The following ADAMTSL1 variants were observed in gnomAD, a reference collection of about 807,000 sequenced individuals.
ADAMTSL1 encodes the protein ADAMTS-like protein 1.
A neutral mutation model predicts 201.8 loss-of-function variants in ADAMTSL1; 126 were observed. The ratio of observed to expected loss-of-function variants is 0.62; its 90% CI spans 0.54 to 0.72. The LOEUF is 0.72. Among genes scored for constraint, ADAMTSL1 ranks in the 30% least tolerant of loss-of-function variants. The pLI is 0.00. For synonymous variants in ADAMTSL1, 1,121 were observed against 903.4 expected, an observed-to-expected ratio of 1.24 and a Z score of -4.32; for missense variants, 2,679 against 2,277.8, an observed-to-expected ratio of 1.18 and a Z score of -3.59.
chr9:18,865,575 T>C (rs1190591353), intron 23 of ADAMTSL1, among the ~76,000 whole-genome samples: 3 of 152,208 alleles, frequency 2.0e-5, no homozygotes, highest in African/African-American at 7.2e-5. Context: ...ATCTGTCCCA[T>C]TCTAAACTTT....
intron 16 of ADAMTSL1, among the ~76,000 whole-genome samples, chr9:18,757,434 G>C (rs1241570019): frequency 1.3e-5 from 2 of 152,060 alleles, no homozygotes; most frequent in Non-Finnish European, 2.9e-5. Context: ...CCACAATTTA[G>C]TCTGAAACAC....
chr9:18,278,944 C>G (rs1389609648), intron 2 of ADAMTSL1, among the ~76,000 whole-genome samples: 1 of 151,634 alleles, frequency 6.6e-6, no homozygotes, highest in Non-Finnish European at 1.5e-5. Flanking sequence ...TTCATCAAGT[C>G]TGCTGTTAAA....
chr9:18,665,112 C>T (rs1829352292), intron 9 of ADAMTSL1, among the ~76,000 whole-genome samples: 1 of 151,936 alleles, frequency 6.6e-6, no homozygotes, highest in Non-Finnish European at 1.5e-5. Context: ...CCTAAGATTG[C>T]AAGGTAAGCT....
intron 1 of ADAMTSL1, among the ~76,000 whole-genome samples, chr9:18,147,833 T>G (rs1176953851): frequency 6.6e-6 from 1 of 152,164 alleles, no homozygotes; most frequent in Non-Finnish European, 1.5e-5. Context: ...CACATCATTA[T>G]ATTTTGCAAG....
At chr9:18,757,414 G>C (rs908309997) in intron 16 of ADAMTSL1, among the ~76,000 whole-genome samples, 1 of 152,212 alleles carries the variant, frequency 6.6e-6, no homozygotes. Flanking sequence ...GAGAATCACT[G>C]TTACCTATAC....
intron 15 of ADAMTSL1, among the ~76,000 whole-genome samples, chr9:18,740,537 C>T (rs561658357): frequency 8.0e-5 from 11 of 137,732 alleles, no homozygotes; most frequent in East Asian, 2.1e-4. Flanking sequence ...AGTGCAATGG[C>T]GCAATCTCAG....
intron 23 of ADAMTSL1, among the ~76,000 whole-genome samples, chr9:18,846,993 A>G (rs1019714690): frequency 6.6e-6 from 1 of 152,216 alleles, no homozygotes. Context: ...ATGGGTGTGT[A>G]ATGCAGAATG....
intron 2 of ADAMTSL1, among the ~76,000 whole-genome samples, chr9:18,375,681 G>C (rs1437775818): frequency 1.3e-5 from 2 of 152,204 alleles, no homozygotes; most frequent in Non-Finnish European, 2.9e-5. Flanking sequence ...GACCCAAAGA[G>C]TGAGCAGCAG....
At chr9:18,886,619 C>A (rs1828919211) in intron 23 of ADAMTSL1, among the ~76,000 whole-genome samples, 1 of 152,176 alleles carries the variant, frequency 6.6e-6, no homozygotes, top group Non-Finnish European at 1.5e-5. Context: ...CTGTCTGCTT[C>A]ATAGATGGCA....
chr9:18,264,335 T>C (rs1391003398), intron 2 of ADAMTSL1, among the ~76,000 whole-genome samples: 2 of 152,180 alleles, frequency 1.3e-5, no homozygotes, highest in Admixed American at 6.5e-5. Context: ...ACTTCCAATG[T>C]ATATTCTACC....
intron 1 of ADAMTSL1, among the ~76,000 whole-genome samples, chr9:18,038,160 A>G (rs1477339893): frequency 2.0e-5 from 3 of 152,124 alleles, no homozygotes; most frequent in African/African-American, 2.4e-5. Flanking sequence ...AGCGTCAACC[A>G]CACCTCTGCC....
intron 2 of ADAMTSL1, among the ~76,000 whole-genome samples, chr9:18,179,312 G>T (rs969582103): frequency 3.3e-5 from 5 of 152,126 alleles, no homozygotes; most frequent in Non-Finnish European, 7.3e-5. Context: ...GAAGCGAGAA[G>T]GGAAGTTTAG....
chr9:18,571,421 T>C (rs1352478277), intron 3 of ADAMTSL1, among the ~76,000 whole-genome samples: 1 of 152,210 alleles, frequency 6.6e-6, no homozygotes, highest in African/African-American at 2.4e-5. Context: ...TATTTCAGTA[T>C]AATGAAGTAC....
intron 1 of ADAMTSL1, among the ~76,000 whole-genome samples, chr9:18,106,785 T>C (rs114218974): frequency 0.017 from 2,586 of 152,280 alleles, 70 homozygotes; most frequent in African/African-American, 0.059. Flanking sequence ...AATTGTACAT[T>C]TGAGTTGCAT....
chr9:18,359,319 C>T (rs1836396378), intron 2 of ADAMTSL1, among the ~76,000 whole-genome samples: 1 of 152,122 alleles, frequency 6.6e-6, no homozygotes, highest in South Asian at 2.1e-4. Flanking sequence ...CATTCTTCTG[C>T]CCCCAGAATC....
intron 2 of ADAMTSL1, among the ~76,000 whole-genome samples, chr9:18,408,824 G>C (rs984804343): frequency 6.6e-6 from 1 of 152,150 alleles, no homozygotes; most frequent in African/African-American, 2.4e-5. Context: ...AGAAAACAAG[G>C]AGTTGGAAGA....
intron 4 of ADAMTSL1, among the ~76,000 whole-genome samples, chr9:18,582,863 T>TA (rs201292243): frequency 0.13 from 18,976 of 147,734 alleles, 1,334 homozygotes; most frequent in African/African-American, 0.18. Context: ...TAAAATAAAA[T>TA]AAATAAAATA....
rs142029019 is a variant in ADAMTSL1 at position 18,714,777 on chromosome 9, C to T, written c.1877-6759C>T. 1.5e-3 allele frequency among the ~76,000 whole-genome samples: 221 copies of T among 152,002 alleles called. 5 individuals carry two copies. The highest frequency in any genetic ancestry group is 4.0e-3 in the African/African-American group (165 of 41,440). ...GCCAGTATCATACTGATACCAAAGC[C>T]GGGCAGAGACACAACCAAAAGAGAG... On this transcript the variant is annotated intron_variant, in intron 14 of 28. Coordinates refer to ENST00000380548, the MANE Select transcript of ADAMTSL1 (RefSeq NM_001040272.6).
rs997128716 is a variant in ADAMTSL1 at position 18,622,330 on chromosome 9, G to C, written c.562G>C (p.Val188Leu). 1 of 1,614,044 alleles carries C rather than the reference G, an allele frequency of 6.2e-7. No homozygotes were observed. Among genetic ancestry groups the C allele is most frequent in the Non-Finnish European group, 8.5e-7 (1 of 1,179,970 alleles). Residue 188 changes from valine to leucine, a missense_variant, in exon 5 of 29, where the codon GTC becomes CTC. By Grantham distance (32) the Val-to-Leu change is conservative. Coordinates refer to ENST00000380548, the MANE Select transcript of ADAMTSL1 (RefSeq NM_001040272.6). ...CGGAGATGGGTCCACCTGCCGGCTGGTCCGAGGGCAGTATAAATCCCAGCT... is the reference window on the plus strand; with the variant it reads ...CGGAGATGGGTCCACCTGCCGGCTGCTCCGAGGGCAGTATAAATCCCAGCT... Reference protein sequence around the residue: ...CNGDGSTCRLVRGQYKSQLSA... With the variant: ...CNGDGSTCRLLRGQYKSQLSA...
Sources: allele counts gnomAD v4.1 joint callset (sites outside exome capture counted in the v4.1 genomes callset), GRCh38; gene constraint gnomAD v4.1.1; transcripts MANE v1.5; gene names NCBI Gene and HGNC (gene_info 2026-07-23, HGNC 2026-07-21).